The following FAM83D variants were observed in gnomAD, a reference collection of about 807,000 sequenced individuals.
FAM83D encodes the protein protein FAM83D.
Under a neutral mutation model 25.4 loss-of-function variants are expected in FAM83D, and 26 were observed. The observed-to-expected ratio is 1.02, with a 90% CI of 0.75 to 1.42. FAM83D has a LOEUF of 1.42. FAM83D is among the 40% of genes most tolerant of loss of function. The probability of loss-of-function intolerance (pLI) is 0.00; values close to 1 mark genes in which losing one functional copy is unlikely to be tolerated. For missense variants in FAM83D, 740 were observed against 758.1 expected, an observed-to-expected ratio of 0.98 and a Z score of 0.28; for synonymous variants, 310 against 318.5, an observed-to-expected ratio of 0.97 and a Z score of 0.28.
intron 2 of FAM83D, among the ~76,000 whole-genome samples, chr20:38,942,417 A>G (rs1032765986): frequency 4.6e-5 from 7 of 152,270 alleles, no homozygotes; most frequent in South Asian, 2.1e-4. Flanking sequence ...ATGCCAATCA[A>G]CTGATAAGTG....
At chr20:38,928,714 GGGGA>G (rs1311909682) in intron 1 of FAM83D, among the ~76,000 whole-genome samples, 2 of 152,204 alleles carry the variant, frequency 1.3e-5, no homozygotes, top group African/African-American at 2.4e-5. Context: ...GGCGTGAGGA[GGGGA>G]TGGAGCCAGG....
intron 1 of FAM83D, among the ~76,000 whole-genome samples, chr20:38,933,362 A>C (rs573513235): frequency 6.6e-6 from 1 of 152,338 alleles, no homozygotes; most frequent in South Asian, 2.1e-4. Flanking sequence ...TTGTGAATGT[A>C]ATTATTGCCA....
At chr20:38,939,980 G>T (rs551619372) in intron 1 of FAM83D, among the ~76,000 whole-genome samples, 2 of 152,288 alleles carry the variant, frequency 1.3e-5, no homozygotes, top group South Asian at 4.2e-4. Context: ...CACACAGCTG[G>T]TAGGTGGTAG....
At chr20:38,940,652 C>T (rs1045070138) in intron 1 of FAM83D, among the ~76,000 whole-genome samples, 2 of 152,178 alleles carry the variant, frequency 1.3e-5, no homozygotes, top group Non-Finnish European at 2.9e-5. Flanking sequence ...GTTAACACCC[C>T]CAACTTCTGA....
At chr20:38,941,831 G>C in intron 1 of FAM83D, 128 bp from the exon 2 acceptor site, 2 of 895,512 alleles carry the variant, frequency 2.2e-6, no homozygotes, top group Admixed American at 3.9e-5. Flanking sequence ...ACTGCAGAAG[G>C]GGGAGGGAAG....
At chr20:38,944,399 A>G (rs1443449203) in intron 2 of FAM83D, among the ~76,000 whole-genome samples, 1 of 152,212 alleles carries the variant, frequency 6.6e-6, no homozygotes, top group Non-Finnish European at 1.5e-5. Flanking sequence ...TTGGCATGGA[A>G]AAGAGCATTA....
At chr20:38,932,523 C>G (rs2085662713) in intron 1 of FAM83D, among the ~76,000 whole-genome samples, 1 of 152,206 alleles carries the variant, frequency 6.6e-6, no homozygotes, top group South Asian at 2.1e-4. Context: ...TGTTTGTTTC[C>G]TAAGCAAGTT....
intron 1 of FAM83D, among the ~76,000 whole-genome samples, chr20:38,931,800 T>C (rs1288899852): frequency 6.6e-6 from 1 of 152,254 alleles, no homozygotes; most frequent in Non-Finnish European, 1.5e-5. Context: ...AATCACTCAG[T>C]GTGTCTGATA....
At chr20:38,930,474 T>G (rs2085654320) in intron 1 of FAM83D, among the ~76,000 whole-genome samples, 1 of 152,070 alleles carries the variant, frequency 6.6e-6, no homozygotes, top group Non-Finnish European at 1.5e-5. Flanking sequence ...GTGTTTTTTT[T>G]TTGTTGTTTG....
intron 1 of FAM83D, among the ~76,000 whole-genome samples, chr20:38,935,538 GCTCAAGTAATCCTCCTGC>G (rs1350069662): frequency 6.6e-6 from 1 of 152,164 alleles, no homozygotes; most frequent in East Asian, 1.9e-4. Flanking sequence ...GACCTCCCAG[GCTCAAGTAATCCTCCTGC>G]CTCAGACTCC....
intron 3 of FAM83D, among the ~76,000 whole-genome samples, chr20:38,950,814 A>C (rs1185374768): frequency 6.7e-6 from 1 of 149,794 alleles, no homozygotes; most frequent in Non-Finnish European, 1.5e-5. Flanking sequence ...TTTATTTTTA[A>C]TTAATTTTTT....
chr20:38,938,302 G>A (rs866787577), intron 1 of FAM83D, among the ~76,000 whole-genome samples: 2 of 152,210 alleles, frequency 1.3e-5, no homozygotes, highest in East Asian at 3.9e-4. Context: ...CAGCAGCTGG[G>A]CTGGGTTTTT....
chr20:38,951,882 T>C lies in FAM83D; in HGVS notation c.1120T>C (p.Phe374Leu), dbSNP rs2085756563. The C allele has an allele frequency of 1.9e-6, 3 of 1,614,102 alleles. No homozygotes were observed. Among genetic ancestry groups the C allele is most frequent in the African/African-American group, 2.7e-5 (2 of 75,026 alleles). The part of the protein sequence containing the change: ...ESSTVSEEDY[F>L]SSHRDELQSR... ...CTCTACTGTTAGTGAGGAAGACTACTTCAGCAGCCACAGGGACGAGCTCCA... is the reference window on the plus strand; with the variant it reads ...CTCTACTGTTAGTGAGGAAGACTACCTCAGCAGCCACAGGGACGAGCTCCA... Residue 374 changes from phenylalanine (F) to leucine (L), a missense_variant, in exon 4 of 4, where the codon TTC becomes CTC. Phe to Leu is a conservative substitution (Grantham distance 22, BLOSUM62 0). Coordinates refer to ENST00000619850, the MANE Select transcript of FAM83D (RefSeq NM_030919.3).
intron 3 of FAM83D, among the ~76,000 whole-genome samples, chr20:38,948,827 G>T (rs2085740748): frequency 6.6e-6 from 1 of 152,198 alleles, no homozygotes; most frequent in Non-Finnish European, 1.5e-5. Context: ...GTAAGATCAA[G>T]AAAATCTTGA....
intron 2 of FAM83D, among the ~76,000 whole-genome samples, chr20:38,946,573 A>G (rs1490062340): frequency 1.3e-5 from 2 of 152,190 alleles, no homozygotes; most frequent in African/African-American, 4.8e-5. Flanking sequence ...GCTCCTTTAT[A>G]TAGTCACATC....
chr20:38,949,164 C>CT (rs11428579), intron 3 of FAM83D, among the ~76,000 whole-genome samples: 47,672 of 141,224 alleles, frequency 0.34, 8,030 homozygotes, highest in Middle Eastern at 0.5. Flanking sequence ...TGAAGGCTTT[C>CT]TTTTTTTTTT....
At chr20:38,931,120 G>A (rs1287159653) in intron 1 of FAM83D, among the ~76,000 whole-genome samples, 1 of 152,242 alleles carries the variant, frequency 6.6e-6, no homozygotes, top group Non-Finnish European at 1.5e-5. Context: ...CCTGCCATGA[G>A]GAAGGATTGG....
At chr20:38,931,684 C>T (rs1409507770) in intron 1 of FAM83D, among the ~76,000 whole-genome samples, 2 of 152,224 alleles carry the variant, frequency 1.3e-5, no homozygotes, top group Non-Finnish European at 2.9e-5. Context: ...AGTATAGGCA[C>T]AGGAAGCCAG....
rs368793717 is a variant in FAM83D at position 38,947,925 on chromosome 20, G to A, written c.701G>A (p.Gly234Glu). ...ITGNIYYARS[G>E]TKIIGKVHEK... Reference sequence around the variant, plus strand: ...GGAAATATCTACTATGCAAGGTCAGGAACTAAGATTATTGGGAAGGTTCAC... The same window carrying A: ...GGAAATATCTACTATGCAAGGTCAGAAACTAAGATTATTGGGAAGGTTCAC... The change falls in exon 3 of 4, where the codon GGA becomes GAA. Residue 234 changes from glycine (G) to glutamate (E), a missense_variant. Around this residue, in one of 3 missense-constraint regions of FAM83D, gnomAD observed 32 missense variants for 56.2 expected, o/e 0.57. Transcript: ENST00000619850. 6.2e-7 allele frequency: 1 copy of A among 1,614,176 alleles called. No individual in the cohort carries two copies. The highest frequency in any genetic ancestry group is 8.5e-7 in the Non-Finnish European group (1 of 1,180,016).
Sources: allele counts gnomAD v4.1 joint callset (sites outside exome capture counted in the v4.1 genomes callset), GRCh38; gene constraint gnomAD v4.1.1; regional missense constraint gnomAD v4.1.1; transcripts MANE v1.5; gene names NCBI Gene and HGNC (gene_info 2026-07-23, HGNC 2026-07-21).